SIRT2: variants seen among roughly 807,000 people sequenced by gnomAD.
The protein encoded by SIRT2 is sirtuin 2.
Under a neutral mutation model 57.4 loss-of-function variants are expected in SIRT2, and 40 were observed. The ratio of observed to expected loss-of-function variants is 0.70; its 90% CI spans 0.54 to 0.91. The LOEUF is 0.91. Among genes scored for constraint, SIRT2 ranks in the 40% least tolerant of loss-of-function variants. The pLI is 0.00. For synonymous variants in SIRT2, 161 were observed against 195.7 expected (o/e 0.82, Z 1.48); for missense variants, 439 against 510.4 (o/e 0.86, Z 1.35).
At chr19:38,885,354 T>C (rs1460999847) in intron 8 of SIRT2, among the ~76,000 whole-genome samples, 2 of 151,866 alleles carry the variant, frequency 1.3e-5, no homozygotes, top group Non-Finnish European at 2.9e-5. Flanking sequence ...ATCCTCCCAC[T>C]TCAGCCTCCC....
At chr19:38,887,948 A>G (rs1250082041) in intron 8 of SIRT2, among the ~76,000 whole-genome samples, 1 of 151,412 alleles carries the variant, frequency 6.6e-6, no homozygotes, top group Admixed American at 6.6e-5. Flanking sequence ...TAGAGACCAG[A>G]TTTCATGATG....
chr19:38,881,563 C>T, intron 9 of SIRT2, 72 bp from the exon 10 acceptor site: 1 of 1,223,640 alleles, frequency 8.2e-7, no homozygotes, highest in Non-Finnish European at 1.2e-6. Context: ...GTGCAGCACC[C>T]CCACCCCTCT....
intron 9 of SIRT2, among the ~76,000 whole-genome samples, chr19:38,883,277 C>CG (rs1485989512): frequency 3.2e-4 from 48 of 150,558 alleles, no homozygotes; most frequent in African/African-American, 1.1e-3. Context: ...CTAGTAGAAA[C>CG]GGGGTTTCAC....
rs1011373468 is a variant in SIRT2, at chr19:38,891,375, C to T, written c.227-1231G>A. Among the ~76,000 whole-genome samples the T allele has an allele frequency of 1.9e-4, 29 of 152,082 alleles. 1 individual carries two copies. Among genetic ancestry groups the T allele is most frequent in the Admixed American group, 1.8e-3 (27 of 15,252 alleles). ...ACCAGCCTGGCTAACATGGTGAAAC[C>T]CCGTCTCTACTAAAAGTACAAAAAT... On this transcript the variant is annotated intron_variant, in intron 4 of 15. Coordinates refer to ENST00000249396, the MANE Select transcript of SIRT2 (RefSeq NM_012237.4).
In SIRT2 at chr19:38,879,085, A is replaced by G. The variant is rs1973032604; in HGVS notation, c.*70T>C. On this transcript the variant is annotated 3_prime_UTR_variant, in exon 16 of 16. Transcript: ENST00000249396. ...CCCCAGACAAGAACTGCTGGTTAAG[A>G]GGGGGCCAGGCCCGGTTGGGGCTCA... 1.4e-6 allele frequency: 2 copies of G among 1,464,676 alleles called. No individual in the cohort carries two copies. The highest frequency in any genetic ancestry group is 9.1e-7 in the Non-Finnish European group (1 of 1,097,444). 90.7% of individuals were successfully genotyped at this position (1,464,676 alleles called of 1,614,324 possible).
chr19:38,885,950 C>T (rs1255324584), intron 8 of SIRT2, among the ~76,000 whole-genome samples: 1 of 152,134 alleles, frequency 6.6e-6, no homozygotes, highest in Non-Finnish European at 1.5e-5. Flanking sequence ...TTCTTTTCTG[C>T]ACAGACATTT....
Position 38,898,443 on chromosome 19 carries a change from AG to A in SIRT2, c.17-19del. 6.7e-7 allele frequency: 1 copy of A among 1,498,618 alleles called. No individual in the cohort carries two copies. The highest frequency in any genetic ancestry group is 9.0e-7 in the Non-Finnish European group (1 of 1,112,550). 92.8% of individuals were successfully genotyped at this position (1,498,618 alleles called of 1,614,324 possible). A position where few individuals can be genotyped will look rare whatever the true frequency, so the allele number is the denominator to read the frequency against. ...GTGAGAGGCTGGGGGAGGGGAGCAGAGGTGGTTACAGTGGGGAGAACGATTA... is the reference window on the plus strand; with the variant it reads ...GTGAGAGGCTGGGGGAGGGGAGCAGAGTGGTTACAGTGGGGAGAACGATTA... On this transcript the variant is annotated intron_variant, in intron 1 of 15. Coordinates refer to ENST00000249396, the MANE Select transcript of SIRT2 (RefSeq NM_012237.4).
At chr19:38,889,507 CG>C in intron 7 of SIRT2, 181 bp downstream of exon 7, 2 of 691,658 alleles carry the variant, frequency 2.9e-6, no homozygotes, top group Non-Finnish European at 5.0e-6. Flanking sequence ...GGAGGCAAAT[CG>C]GAGGCTCAAG....
chr19:38,898,018 C>T (rs1435765854), intron 2 of SIRT2, among the ~76,000 whole-genome samples: 1 of 152,194 alleles, frequency 6.6e-6, no homozygotes, highest in African/African-American at 2.4e-5. Context: ...GAGTTACTTT[C>T]GTCATCACGC....
chr19:38,898,357 T>A, intron 2 of SIRT2, 22 bp downstream of exon 2: 1 of 1,469,784 alleles, frequency 6.8e-7, no homozygotes, highest in Non-Finnish European at 9.1e-7. Flanking sequence ...TCTCCTCCCC[T>A]CCACCCTTTC....
At chr19:38,884,884 T>C (rs1278376625) in intron 8 of SIRT2, among the ~76,000 whole-genome samples, 2 of 147,186 alleles carry the variant, frequency 1.4e-5, no homozygotes, top group Non-Finnish European at 3.0e-5. Context: ...TCTGGCTGAT[T>C]TTTAAAATTT....
chr19:38,879,983 G>A (rs1419768499), intron 13 of SIRT2: 6 of 423,100 alleles, frequency 1.4e-5, no homozygotes, highest in Non-Finnish European at 2.6e-5. Flanking sequence ...CCAGCACCAT[G>A]CCCGGCTAAT....
At position 38,880,650 on chromosome 19, in the gene SIRT2, C is replaced by A; in HGVS notation, c.876+35G>T. 1 of 1,489,700 alleles carries A rather than the reference C, an allele frequency of 6.7e-7. No homozygotes were observed. The highest frequency in any genetic ancestry group is 9.1e-7 in the Non-Finnish European group (1 of 1,104,058). 92.3% of individuals were successfully genotyped at this position (1,489,700 alleles called of 1,614,324 possible). ...GAAAAGGGTGAGAGGGAAGGGGGAG[C>A]CTGTGACGACGGGGGCTTGAAGAAG... On this transcript the variant is annotated intron_variant, in intron 13 of 15. Transcript: ENST00000249396. The surrounding 1 kb of genome is among the most constrained non-coding windows in gnomAD (Gnocchi z 4.1).
intron 3 of SIRT2, 87 bp downstream of exon 3, chr19:38,893,729 TGGA>T: frequency 6.8e-7 from 1 of 1,468,114 alleles, no homozygotes; most frequent in East Asian, 2.3e-5. Context: ...TCACTCCTGA[TGGA>T]GTTGAGGAGG....
chr19:38,879,803 A>T, intron 13 of SIRT2, 101 bp from the exon 14 acceptor site: 1 of 816,748 alleles, frequency 1.2e-6, no homozygotes, highest in Non-Finnish European at 1.9e-6. Flanking sequence ...TAGCTCTGTG[A>T]CTTTGTTTTT....
At chr19:38,893,586 C>A (rs1192915326) in intron 3 of SIRT2, 59 bp from the exon 4 acceptor site, 1 of 1,315,518 alleles carries the variant, frequency 7.6e-7, no homozygotes, top group Non-Finnish European at 1.1e-6. Context: ...GCATGGATGT[C>A]TCCGGCACCC....
intron 7 of SIRT2, 144 bp from the exon 8 acceptor site, chr19:38,889,299 T>A: frequency 1.3e-6 from 1 of 750,920 alleles, no homozygotes; most frequent in Non-Finnish European, 2.4e-6. Flanking sequence ...AGACCACTGC[T>A]ATCCCCAGAT....
intron 3 of SIRT2, 83 bp downstream of exon 3, chr19:38,893,736 G>T (rs1973622031): frequency 1.3e-6 from 2 of 1,514,334 alleles, no homozygotes; most frequent in Non-Finnish European, 1.8e-6. Flanking sequence ...TGATGGAGTT[G>T]AGGAGGTATC....
intron 9 of SIRT2, 118 bp from the exon 10 acceptor site, chr19:38,881,609 A>G (rs980803374): frequency 2.4e-5 from 18 of 761,360 alleles, no homozygotes; most frequent in Non-Finnish European, 4.1e-5. Flanking sequence ...CATCACTTGG[A>G]GTGTGATGGG....
Sources: gnomAD v4.1 joint callset for allele counts (sites outside exome capture counted in the v4.1 genomes callset) on GRCh38, gnomAD v4.1.1 for gene constraint, Gnocchi (gnomAD v3.1) non-coding constraint, MANE v1.5 for transcripts, NCBI Gene and HGNC (gene_info 2026-07-23, HGNC 2026-07-21) for gene names.